Variants in TAFA5 observed in about 807,000 individuals in gnomAD.
TAFA5 encodes chemokine-like protein TAFA-5.
A neutral mutation model predicts 15.3 loss-of-function variants in TAFA5; 6 were observed. The observed-to-expected ratio is 0.39, with a 90% CI of 0.21 to 0.77. TAFA5 has a LOEUF of 0.77. TAFA5 is among the 30% of genes least tolerant of loss of function. The probability of loss-of-function intolerance (pLI) is 0.41; values close to 1 mark genes in which losing one functional copy is unlikely to be tolerated. For missense variants in TAFA5, 161 were observed against 193.1 expected (o/e 0.83, Z 0.98); for synonymous variants, 103 against 80.7 (o/e 1.28, Z -1.48).
chr22:48,649,874 A>G (rs549805697), intron 2 of TAFA5, among the ~76,000 whole-genome samples: 7 of 152,176 alleles, frequency 4.6e-5, no homozygotes, highest in Admixed American at 2.6e-4. Flanking sequence ...GTCAAAATTG[A>G]TTACTAATTG....
At chr22:48,622,827 G>A (rs1925888193) in intron 1 of TAFA5, among the ~76,000 whole-genome samples, 2 of 152,236 alleles carry the variant, frequency 1.3e-5, no homozygotes, top group South Asian at 4.1e-4. Flanking sequence ...CCTCTTTGGA[G>A]TCCTGTTGAC....
intron 3 of TAFA5, among the ~76,000 whole-genome samples, chr22:48,726,085 G>C (rs768993777): frequency 6.6e-6 from 1 of 152,202 alleles, no homozygotes; most frequent in African/African-American, 2.4e-5. Flanking sequence ...CATGCAAGCT[G>C]TCCCCTGAAC....
In TAFA5 at chr22:48,603,287, T is replaced by C. The variant is rs886841557; in HGVS notation, c.113-43310T>C. 4.6e-5 allele frequency among the ~76,000 whole-genome samples: 7 copies of C among 152,376 alleles called. No individual in the cohort carries two copies. In the East Asian group the frequency reaches 9.6e-4, roughly 21 times the overall value. ...GTGCCCGGAGGCTGCTCTGCCCACA[T>C]GGCGTTGCTGGGCCCACCCACTCAG... On this transcript the variant is annotated intron_variant, in intron 1 of 3. Coordinates refer to ENST00000402357, the MANE Select transcript of TAFA5 (RefSeq NM_001082967.3).
chr22:48,562,753 T>C (rs16999469), intron 1 of TAFA5, among the ~76,000 whole-genome samples: 27,864 of 152,122 alleles, frequency 0.18, 5,469 homozygotes, highest in African/African-American at 0.49. Flanking sequence ...TGGTTAATGG[T>C]GGGTCAGGGC....
chr22:48,650,414 C>T (rs1927010945), intron 2 of TAFA5, among the ~76,000 whole-genome samples: 1 of 152,172 alleles, frequency 6.6e-6, no homozygotes, highest in Non-Finnish European at 1.5e-5. Context: ...ATACAGAGAG[C>T]CATGCAGTGC....
At position 48,669,898 on chromosome 22, in the gene TAFA5, G is replaced by A. The variant is rs532879289; in HGVS notation, c.262+23152G>A. Among the ~76,000 whole-genome samples the A allele has an allele frequency of 4.6e-5, 7 of 152,348 alleles. No homozygotes were observed. The East Asian group carries it at 1.4e-3, about 29-fold the overall frequency. ...TCCACGTTTCACCAGCCCTAAGGCT[G>A]TGCTGCCTCCCGCCTGAGCTGGCTT... On this transcript the variant is annotated intron_variant, in intron 2 of 3. Transcript: ENST00000402357.
chr22:48,579,365 C>T (rs1325906920), intron 1 of TAFA5, among the ~76,000 whole-genome samples: 1 of 152,232 alleles, frequency 6.6e-6, no homozygotes, highest in Non-Finnish European at 1.5e-5. Flanking sequence ...CCTTGTCATC[C>T]TTAGGACACG....
chr22:48,643,319 C>T (rs188528890), intron 1 of TAFA5, among the ~76,000 whole-genome samples: 73 of 152,290 alleles, frequency 4.8e-4, no homozygotes, highest in Admixed American at 3.6e-3. Context: ...TCCCAGTGGC[C>T]GCAGGGCAGA....
chr22:48,678,762 A>T (rs1928058845), intron 2 of TAFA5, among the ~76,000 whole-genome samples: 1 of 85,896 alleles, frequency 1.2e-5, no homozygotes, highest in South Asian at 4.1e-4. Flanking sequence ...AAACAAAGTT[A>T]AAAAAAAAAA....
At chr22:48,642,054 G>A (rs1926701499) in intron 1 of TAFA5, among the ~76,000 whole-genome samples, 1 of 152,084 alleles carries the variant, frequency 6.6e-6, no homozygotes, top group African/African-American at 2.4e-5. Context: ...GCTGAGGGGG[G>A]CAGCCTGGTG....
intron 1 of TAFA5, among the ~76,000 whole-genome samples, chr22:48,580,858 G>T (rs1924011485): frequency 6.6e-6 from 1 of 152,180 alleles, no homozygotes; most frequent in Non-Finnish European, 1.5e-5. Context: ...GGCCCCAGGG[G>T]CTTCCCTAGC....
chr22:48,651,153 C>A (rs1463320210), intron 2 of TAFA5, among the ~76,000 whole-genome samples: 1 of 152,198 alleles, frequency 6.6e-6, no homozygotes, highest in African/African-American at 2.4e-5. Context: ...AGACTGCAGC[C>A]CAGTAGCGGG....
rs149929724 is a variant in TAFA5, at chr22:48,573,489, A to G, written c.113-73108A>G. Among the ~76,000 whole-genome samples, 388 of 151,674 alleles carry G rather than the reference A, an allele frequency of 2.6e-3. 3 individuals are homozygous for G. Among genetic ancestry groups the G allele is most frequent in the African/African-American group, 8.8e-3 (365 of 41,306 alleles). On this transcript the variant is annotated intron_variant, in intron 1 of 3. Coordinates refer to ENST00000402357, the MANE Select transcript of TAFA5 (RefSeq NM_001082967.3). ...ACTGCCATCTGGAGCTGACTTCCCA[A>G]TGGCACCCAGGGCCTCTTTGGTCTG... is the stretch of plus-strand genomic sequence containing the variant.
At chr22:48,620,314 A>G (rs1925757007) in intron 1 of TAFA5, among the ~76,000 whole-genome samples, 1 of 151,660 alleles carries the variant, frequency 6.6e-6, no homozygotes, top group South Asian at 2.1e-4. Context: ...GGCCCTGCAA[A>G]CCTCTCCTCT....
intron 3 of TAFA5, among the ~76,000 whole-genome samples, chr22:48,715,319 AAAGG>A (rs1929370119): frequency 1.3e-5 from 2 of 152,242 alleles, no homozygotes; most frequent in Admixed American, 1.3e-4. Context: ...AGAAGAAGCC[AAAGG>A]AAGAGGAGCG....
intron 1 of TAFA5, chr22:48,576,343 C>A (rs1324701985): frequency 2.5e-6 from 3 of 1,189,424 alleles, no homozygotes; most frequent in Admixed American, 9.1e-5. Context: ...CGCCTCCAGT[C>A]GCGGCGGAGC....
At chr22:48,657,977 G>A (rs1927305844) in intron 2 of TAFA5, among the ~76,000 whole-genome samples, 1 of 152,202 alleles carries the variant, frequency 6.6e-6, no homozygotes, top group African/African-American at 2.4e-5. Flanking sequence ...TCTTACATAT[G>A]TTAATCAGCA....
intron 2 of TAFA5, among the ~76,000 whole-genome samples, chr22:48,690,307 T>C (rs1928497951): frequency 6.6e-6 from 1 of 151,894 alleles, no homozygotes; most frequent in Non-Finnish European, 1.5e-5. Context: ...CCACCTTGAG[T>C]GGACTCCACA....
intron 1 of TAFA5, among the ~76,000 whole-genome samples, chr22:48,602,911 ATGAGGCCGATGCCCC>A (rs2147166651): frequency 6.6e-6 from 1 of 152,278 alleles, no homozygotes; most frequent in East Asian, 1.9e-4. Flanking sequence ...CTGCCGATCT[ATGAGGCCGATGCCCC>A]TGAGGCCGAG....
Sources: gnomAD v4.1 joint callset for allele counts (sites outside exome capture counted in the v4.1 genomes callset) on GRCh38, gnomAD v4.1.1 for gene constraint, MANE v1.5 for transcripts, NCBI Gene and HGNC (gene_info 2026-07-23, HGNC 2026-07-21) for gene names.